The following NKAIN2 variants were observed in gnomAD, a reference collection of about 807,000 sequenced individuals.
NKAIN2 encodes the protein sodium/potassium transporting ATPase interacting 2.
In NKAIN2, 14 loss-of-function variants were observed where a neutral mutation model predicts 32.6. The ratio of observed to expected loss-of-function variants is 0.43; its 90% CI spans 0.28 to 0.67. The LOEUF is 0.67. NKAIN2 is among the 30% of genes least tolerant of loss of function. The pLI, the probability that NKAIN2 is intolerant of heterozygous loss-of-function variation, is 0.17. For missense variants in NKAIN2, 198 were observed against 258.3 expected, an observed-to-expected ratio of 0.77 and a Z score of 1.60; for synonymous variants, 80 against 87.2, an observed-to-expected ratio of 0.92 and a Z score of 0.46.
intron 3 of NKAIN2, among the ~76,000 whole-genome samples, chr6:124,485,828 C>T (rs1040562940): frequency 6.6e-6 from 1 of 152,070 alleles, no homozygotes; most frequent in African/African-American, 2.4e-5. Context: ...CCAAAGTTTC[C>T]CTTCCATGGT....
intron 1 of NKAIN2, among the ~76,000 whole-genome samples, chr6:123,838,213 C>T (rs568353910): frequency 2.6e-4 from 39 of 152,172 alleles, no homozygotes; most frequent in African/African-American, 8.7e-4. Flanking sequence ...AAGACAAATA[C>T]GATGTTTTAA....
chr6:124,638,212 G>A (rs1287425448), intron 3 of NKAIN2, among the ~76,000 whole-genome samples: 1 of 152,160 alleles, frequency 6.6e-6, no homozygotes, highest in Non-Finnish European at 1.5e-5. Flanking sequence ...ATAACTGTAT[G>A]CAGAAGAATG....
chr6:124,591,390 G>C (rs1416594270), intron 3 of NKAIN2, among the ~76,000 whole-genome samples: 2 of 152,144 alleles, frequency 1.3e-5, no homozygotes, highest in Non-Finnish European at 2.9e-5. Flanking sequence ...ATTGTATGGG[G>C]AGAGGATGCA....
At chr6:124,755,972 A>G (rs1286585483) in intron 4 of NKAIN2, among the ~76,000 whole-genome samples, 1 of 152,120 alleles carries the variant, frequency 6.6e-6, no homozygotes, top group Middle Eastern at 3.2e-3. Context: ...TGTCTTTTCT[A>G]CATTTTCATG....
chr6:123,830,650 A>G (rs1774341612), intron 1 of NKAIN2, among the ~76,000 whole-genome samples: 1 of 152,222 alleles, frequency 6.6e-6, no homozygotes, highest in Admixed American at 6.5e-5. Flanking sequence ...AAATTTAGAA[A>G]CAACTTGTAT....
chr6:124,315,537 T>C (rs1329340788), intron 2 of NKAIN2, among the ~76,000 whole-genome samples: 2 of 152,154 alleles, frequency 1.3e-5, no homozygotes, highest in Non-Finnish European at 2.9e-5. Flanking sequence ...GAGCCTAAAC[T>C]CTTTTCTAGT....
chr6:123,950,219 A>G (rs1394276220), intron 1 of NKAIN2, among the ~76,000 whole-genome samples: 1 of 151,786 alleles, frequency 6.6e-6, no homozygotes, highest in African/African-American at 2.4e-5. Context: ...TTTTGCATCT[A>G]TGTTCAGCAG....
At chr6:124,568,898 T>C (rs1289731129) in intron 3 of NKAIN2, among the ~76,000 whole-genome samples, 1 of 151,258 alleles carries the variant, frequency 6.6e-6, no homozygotes, top group Non-Finnish European at 1.5e-5. Context: ...GTTTAAGCAC[T>C]TTTAAAGGGT....
chr6:124,810,817 G>A (rs972254688), intron 5 of NKAIN2, among the ~76,000 whole-genome samples: 23 of 151,344 alleles, frequency 1.5e-4, no homozygotes, highest in African/African-American at 5.3e-4. Flanking sequence ...TGTATGCTTC[G>A]CCTGCTCAAA....
intron 1 of NKAIN2, among the ~76,000 whole-genome samples, chr6:124,277,435 GTGTGTGTGTGTGTGTGTGTGTGTATC>G (rs1280017218): frequency 7.8e-6 from 1 of 128,134 alleles, no homozygotes; most frequent in Non-Finnish European, 1.6e-5. Context: ...TGTCGTGTGT[GTGTGTGTGTGTGTGTGTGTGTGTATC>G]TGTGTGTGTG....
chr6:124,626,500 T>G (rs935559089), intron 3 of NKAIN2, among the ~76,000 whole-genome samples: 1 of 152,144 alleles, frequency 6.6e-6, no homozygotes, highest in Non-Finnish European at 1.5e-5. Context: ...CAGAGAGGTA[T>G]GTAAATCCAT....
intron 1 of NKAIN2, among the ~76,000 whole-genome samples, chr6:123,944,174 T>C (rs1284087710): frequency 1.3e-5 from 2 of 152,074 alleles, no homozygotes; most frequent in African/African-American, 4.8e-5. Flanking sequence ...CTGGAGTGCC[T>C]TTCTTAGTTT....
At chr6:124,519,524 C>G (rs1779044901) in intron 3 of NKAIN2, among the ~76,000 whole-genome samples, 1 of 152,098 alleles carries the variant, frequency 6.6e-6, no homozygotes, top group African/African-American at 2.4e-5. Flanking sequence ...AAATTATAAC[C>G]TTACTTTCTA....
At chr6:123,936,324 C>T (rs1776509909) in intron 1 of NKAIN2, among the ~76,000 whole-genome samples, 1 of 152,140 alleles carries the variant, frequency 6.6e-6, no homozygotes, top group Non-Finnish European at 1.5e-5. Flanking sequence ...AATCAAATGA[C>T]TATTCTGCAT....
chr6:124,459,076 T>C (rs978690597), intron 3 of NKAIN2, among the ~76,000 whole-genome samples: 2 of 151,868 alleles, frequency 1.3e-5, no homozygotes, highest in African/African-American at 4.8e-5. Context: ...GCAAGTATAA[T>C]GTGGGTACGC....
At chr6:124,156,102 C>T (rs1004142410) in intron 1 of NKAIN2, among the ~76,000 whole-genome samples, 1 of 151,816 alleles carries the variant, frequency 6.6e-6, no homozygotes, top group African/African-American at 2.4e-5. Flanking sequence ...GCATTCTGAG[C>T]TAGGGGTGAC....
At chr6:124,423,448 G>A (rs1402434736) in intron 3 of NKAIN2, among the ~76,000 whole-genome samples, 1 of 152,104 alleles carries the variant, frequency 6.6e-6, no homozygotes, top group Non-Finnish European at 1.5e-5. Context: ...GTTTTCAAAG[G>A]AGCACATATT....
chr6:124,342,143 T>G (rs1181933782), intron 2 of NKAIN2, among the ~76,000 whole-genome samples: 1 of 152,118 alleles, frequency 6.6e-6, no homozygotes, highest in Non-Finnish European at 1.5e-5. Context: ...GGCTCACGCC[T>G]GTAATCCCAG....
intron 3 of NKAIN2, among the ~76,000 whole-genome samples, chr6:124,515,703 TTCGCTTTCTCTCCGTC>T (rs1175395756): frequency 3.0e-4 from 1 of 3,344 alleles, no homozygotes; most frequent in African/African-American, 3.2e-4. Flanking sequence ...TTCATTTTTC[TTCGCTTTCTCTCCGTC>T]TCGCTCTGTC....
Sources: gnomAD v4.1 joint callset for allele counts (sites outside exome capture counted in the v4.1 genomes callset) on GRCh38, gnomAD v4.1.1 for gene constraint, MANE v1.5 for transcripts, NCBI Gene and HGNC (gene_info 2026-07-23, HGNC 2026-07-21) for gene names.